The following PCDHA8 variants were observed in gnomAD, a reference collection of about 807,000 sequenced individuals.
PCDHA8 encodes protocadherin alpha-8.
A neutral mutation model predicts 61.8 loss-of-function variants in PCDHA8; 53 were observed. The observed-to-expected ratio is 0.86, with a 90% CI of 0.69 to 1.08. The LOEUF (loss-of-function observed/expected upper bound fraction) is 1.08. Among genes scored for constraint, PCDHA8 ranks in the 50% least tolerant of loss-of-function variants. The pLI is 0.00. For synonymous variants in PCDHA8, 618 were observed against 556.6 expected (o/e 1.11, Z -1.55); for missense variants, 1,293 against 1,245.0 (o/e 1.04, Z -0.58).
rs146745311 is a variant in PCDHA8 at position 140,842,835 on chromosome 5, C to G, written c.1514C>G (p.Ser505Trp). 9.4e-6 allele frequency: 15 copies of G among 1,593,736 alleles called. 3 individuals are homozygous for G. The African/African-American group carries it at 1.6e-4, about 17-fold the overall frequency. Reference sequence around the variant, plus strand: ...CGGCGGGTGGGCGAGCGCTCGCTGTCGAGCTACATTTCGGTGCACACGGAG... The same window carrying G: ...CGGCGGGTGGGCGAGCGCTCGCTGTGGAGCTACATTTCGGTGCACACGGAG... ...VERRVGERSL[S>W]SYISVHTESG... is the part of the protein sequence containing the mutation. The change falls in exon 1 of 4, where the codon TCG becomes TGG. Residue 505 changes from serine to tryptophan, a missense_variant. Transcript: ENST00000531613.
intron 1 of PCDHA8, chr5:140,850,894 G>A (rs1554145013): frequency 6.3e-7 from 1 of 1,575,006 alleles, no homozygotes; most frequent in African/African-American, 1.4e-5. Context: ...GGGAAGGTGG[G>A]TTTTTCTAGC....
chr5:140,853,133 C>T (rs1646376725), intron 1 of PCDHA8: 1 of 642,274 alleles, frequency 1.6e-6, no homozygotes, highest in Non-Finnish European at 2.0e-6. Flanking sequence ...CCCGCCTCAG[C>T]CTCCCAAAAT....
chr5:140,968,094 A>G, intron 1 of PCDHA8: 1 of 1,614,138 alleles, frequency 6.2e-7, no homozygotes. Flanking sequence ...ACAGCCACAG[A>G]TGGGGGAATA....
chr5:140,949,040 A>G (rs1419524123), intron 1 of PCDHA8, among the ~76,000 whole-genome samples: 1 of 151,758 alleles, frequency 6.6e-6, no homozygotes, highest in Non-Finnish European at 1.5e-5. Flanking sequence ...ATTTAAAAGT[A>G]TGTTCTAATT....
chr5:140,855,778 TA>T, intron 1 of PCDHA8: 2 of 407,848 alleles, frequency 4.9e-6, no homozygotes, highest in Non-Finnish European at 8.8e-6. Context: ...TAAAAATACG[TA>T]AAAAAAGAAT....
intron 1 of PCDHA8, among the ~76,000 whole-genome samples, chr5:140,903,417 T>C (rs1583492047): frequency 6.6e-6 from 1 of 152,200 alleles, no homozygotes; most frequent in Non-Finnish European, 1.5e-5. Flanking sequence ...CAGGAAAAAT[T>C]CAGCACAATA....
At chr5:140,928,074 C>CT in intron 1 of PCDHA8, 1 of 1,614,216 alleles carries the variant, frequency 6.2e-7, no homozygotes, top group Non-Finnish European at 8.5e-7. Context: ...TTGACAACTA[C>CT]TACAGCCTGC....
chr5:140,870,107 T>C, intron 1 of PCDHA8: 1 of 1,613,786 alleles, frequency 6.2e-7, no homozygotes, highest in Admixed American at 1.7e-5. Flanking sequence ...CACTGTACAG[T>C]CTGGGTGGAA....
At chr5:140,852,612 C>A (rs1177069451) in intron 1 of PCDHA8, 1 of 914,612 alleles carries the variant, frequency 1.1e-6, no homozygotes, top group Non-Finnish European at 1.3e-6. Flanking sequence ...TCTTTCAAAA[C>A]TTGAGTGGTC....
At chr5:140,891,246 A>AT (rs1213637493) in intron 1 of PCDHA8, among the ~76,000 whole-genome samples, 11 of 151,766 alleles carry the variant, frequency 7.2e-5, no homozygotes, top group South Asian at 2.1e-4. Context: ...ATTCAGTAGG[A>AT]TTTTTTTTAA....
At chr5:140,878,550 A>T (rs1483801784) in intron 1 of PCDHA8, among the ~76,000 whole-genome samples, 1 of 152,212 alleles carries the variant, frequency 6.6e-6, no homozygotes, top group African/African-American at 2.4e-5. Flanking sequence ...GTTTCAGATG[A>T]TCCCAAACTT....
At chr5:140,882,907 A>T (rs11744560) in intron 1 of PCDHA8, 226,049 of 1,614,134 alleles carry the variant, frequency 0.14, 16,618 homozygotes, top group Middle Eastern at 0.18. Context: ...TATTACTGAC[A>T]GCCAGTGATG....
At chr5:141,007,522 C>T (rs1475001472) in intron 3 of PCDHA8, among the ~76,000 whole-genome samples, 1 of 151,940 alleles carries the variant, frequency 6.6e-6, no homozygotes, top group Non-Finnish European at 1.5e-5. Context: ...GAGCTGATAT[C>T]TCGCCACTGC....
intron 1 of PCDHA8, chr5:140,856,494 C>A: frequency 6.3e-7 from 1 of 1,598,382 alleles, no homozygotes; most frequent in Non-Finnish European, 8.6e-7. Flanking sequence ...CTGCTTGACT[C>A]TCGATTTCCA....
At chr5:140,933,651 C>G (rs2089301034) in intron 1 of PCDHA8, among the ~76,000 whole-genome samples, 1 of 151,824 alleles carries the variant, frequency 6.6e-6, no homozygotes, top group South Asian at 2.1e-4. Flanking sequence ...GTTGGAAATC[C>G]TGTCTCTCTC....
intron 1 of PCDHA8, chr5:140,860,073 G>A (rs1441059020): frequency 4.0e-5 from 6 of 151,782 alleles, no homozygotes; most frequent in African/African-American, 1.5e-4. Flanking sequence ...AGGATGGTTT[G>A]AGGCCAGGAG....
intron 1 of PCDHA8, chr5:140,929,179 G>C: frequency 6.2e-7 from 1 of 1,614,104 alleles, no homozygotes. Context: ...TCTGGGACTT[G>C]GTTCTGATAA....
chr5:140,941,874 A>C (rs1554214738), intron 1 of PCDHA8, among the ~76,000 whole-genome samples: 1 of 152,222 alleles, frequency 6.6e-6, no homozygotes, highest in African/African-American at 2.4e-5. Context: ...GAGTTCTATC[A>C]CCAGTGACTA....
chr5:140,981,948 G>T (rs544785800), intron 2 of PCDHA8, among the ~76,000 whole-genome samples: 26 of 152,230 alleles, frequency 1.7e-4, no homozygotes, highest in African/African-American at 6.0e-4. Context: ...TATAGGGTGG[G>T]TCATCTATGC....
Sources: allele counts gnomAD v4.1 joint callset (sites outside exome capture counted in the v4.1 genomes callset), GRCh38; gene constraint gnomAD v4.1.1; transcripts MANE v1.5; gene names NCBI Gene and HGNC (gene_info 2026-07-23, HGNC 2026-07-21).